The following MALT1 variants were observed in gnomAD, a reference collection of about 807,000 sequenced individuals.
The protein encoded by MALT1 is MALT1 paracaspase.
In MALT1, 36 loss-of-function variants were observed where a neutral mutation model predicts 85.5. The observed-to-expected ratio is 0.42, with a 90% CI of 0.32 to 0.56. MALT1 has a LOEUF of 0.56. Among genes scored for constraint, MALT1 ranks in the 20% least tolerant of loss-of-function variants. MALT1 has a pLI of 0.10. For synonymous variants in MALT1, 359 were observed against 361.3 expected (o/e 0.99, Z 0.07); for missense variants, 716 against 981.6 (o/e 0.73, Z 3.62).
intron 8 of MALT1, among the ~76,000 whole-genome samples, chr18:58,715,548 T>C (rs2054887484): frequency 6.6e-6 from 1 of 152,212 alleles, no homozygotes. Flanking sequence ...GGAGACTCCC[T>C]AAGTTAGTAT....
At chr18:58,704,655 A>G (rs2054720023) in intron 4 of MALT1, among the ~76,000 whole-genome samples, 1 of 152,166 alleles carries the variant, frequency 6.6e-6, no homozygotes, top group Non-Finnish European at 1.5e-5. Context: ...ATGGGATTTC[A>G]TCATGTTGCC....
chr18:58,715,274 T>A (rs1339514890), intron 8 of MALT1, among the ~76,000 whole-genome samples: 1 of 152,240 alleles, frequency 6.6e-6, no homozygotes, highest in Non-Finnish European at 1.5e-5. Flanking sequence ...CCACTAAGAT[T>A]CTAAAATTTT....
chr18:58,740,537 A>G (rs1305507260), intron 13 of MALT1, among the ~76,000 whole-genome samples: 2 of 151,344 alleles, frequency 1.3e-5, no homozygotes, highest in Admixed American at 1.3e-4. Flanking sequence ...AAGTTATATA[A>G]TATTATCTTT....
chr18:58,725,345 A>G (rs537082252), intron 10 of MALT1, among the ~76,000 whole-genome samples: 14 of 152,138 alleles, frequency 9.2e-5, no homozygotes, highest in African/African-American at 3.1e-4. Context: ...AGAAAAGAAA[A>G]ACATAAATGA....
intron 3 of MALT1, among the ~76,000 whole-genome samples, chr18:58,698,067 GTTT>G (rs796905674): frequency 1.2e-3 from 91 of 74,978 alleles, no homozygotes; most frequent in African/African-American, 3.5e-3. Flanking sequence ...GTTTTGTTTT[GTTT>G]TTTTGTTTTT....
At chr18:58,715,591 G>T (rs2054888006) in intron 8 of MALT1, among the ~76,000 whole-genome samples, 1 of 152,106 alleles carries the variant, frequency 6.6e-6, no homozygotes, top group South Asian at 2.1e-4. Flanking sequence ...TCATAACTTT[G>T]GGCAAGTGAC....
chr18:58,726,724 G>C (rs1391640058), intron 10 of MALT1, among the ~76,000 whole-genome samples: 2 of 152,202 alleles, frequency 1.3e-5, no homozygotes, highest in African/African-American at 4.8e-5. Context: ...ATGTTGTATA[G>C]ATGGCCAGGA....
At chr18:58,710,126 A>C (rs1209574794) in intron 6 of MALT1, 54 bp downstream of exon 6, 2 of 1,063,236 alleles carry the variant, frequency 1.9e-6, no homozygotes, top group Admixed American at 4.0e-5. Context: ...TAAGCTATAT[A>C]AACTGCAACG....
chr18:58,673,428 A>T (rs2054195926), intron 1 of MALT1, among the ~76,000 whole-genome samples: 2 of 151,858 alleles, frequency 1.3e-5, no homozygotes, highest in Non-Finnish European at 2.9e-5. Context: ...CTGCTGCTTC[A>T]TTCTTCTTTA....
Position 58,710,047 on chromosome 18 carries a change from T to C in MALT1, c.900T>C (p.Asp300=). ...CHVYNDRDSQ[D]SKKVEIIIGR... ...TATATAATGATCGAGACAGTCAAGA[T>C]AGCAAGAAGGTAGAAATCATCATAG... Residue 300 remains aspartate, a synonymous_variant, in exon 6 of 17, where the codon GAT becomes GAC. Coordinates refer to ENST00000649217, the MANE Select transcript of MALT1 (RefSeq NM_006785.4). 6.2e-7 allele frequency: 1 copy of C among 1,611,786 alleles called. No individual in the cohort carries two copies. Among genetic ancestry groups the C allele is most frequent in the Non-Finnish European group, 8.5e-7 (1 of 1,178,396 alleles).
chr18:58,747,956 A>T lies in MALT1; in HGVS notation c.*114A>T. ...TTTGTATATGTAGAGAAAGAATAGT[A>T]GTAACTGTTTCATAGCAAACTTCAG... On this transcript the variant is annotated 3_prime_UTR_variant, in exon 17 of 17. Transcript: ENST00000649217. The T allele has an allele frequency of 1.3e-6, 1 of 745,674 alleles. No homozygotes were observed. Among genetic ancestry groups the T allele is most frequent in the Middle Eastern group, 3.0e-4 (1 of 3,314 alleles). 46.2% of individuals were successfully genotyped at this position (745,674 alleles called of 1,614,324 possible). A position where few individuals can be genotyped will look rare whatever the true frequency, so the allele number is the denominator to read the frequency against.
intron 13 of MALT1, among the ~76,000 whole-genome samples, chr18:58,738,669 CT>C (rs372637715): frequency 6.6e-6 from 1 of 152,140 alleles, no homozygotes; most frequent in African/African-American, 2.4e-5. Flanking sequence ...GATAGTCAGA[CT>C]TTTTTATTTT....
intron 13 of MALT1, among the ~76,000 whole-genome samples, chr18:58,739,509 G>A (rs986431618): frequency 6.6e-6 from 1 of 152,154 alleles, no homozygotes; most frequent in African/African-American, 2.4e-5. Flanking sequence ...GTTTCTAGGT[G>A]ATGGATCCAA....
chr18:58,686,985 C>A (rs966885021), intron 2 of MALT1, among the ~76,000 whole-genome samples: 5 of 152,274 alleles, frequency 3.3e-5, no homozygotes, highest in African/African-American at 1.2e-4. Context: ...TGACCCTGAC[C>A]TGAACTCAAT....
chr18:58,699,317 A>G lies in MALT1; in HGVS notation c.499-1124A>G, dbSNP rs189026921. On this transcript the variant is annotated intron_variant, in intron 3 of 16. Coordinates refer to ENST00000649217, the MANE Select transcript of MALT1 (RefSeq NM_006785.4). ...AAGTTTGAGGAAAGAGTATACATCA[A>G]TAGTCTAGAAGGAAAACACACTTAG... Among the ~76,000 whole-genome samples, 11 of 152,352 alleles carry G rather than the reference A, an allele frequency of 7.2e-5. No individual in the cohort carries two copies. In the East Asian group the frequency reaches 1.9e-3, roughly 27 times the overall value.
At chr18:58,725,241 G>A (rs1284436073) in intron 10 of MALT1, among the ~76,000 whole-genome samples, 1 of 152,062 alleles carries the variant, frequency 6.6e-6, no homozygotes, top group Non-Finnish European at 1.5e-5. Context: ...AGAATCGCTT[G>A]AACCCAGGAG....
At chr18:58,729,177 A>T (rs2055108563) in intron 10 of MALT1, among the ~76,000 whole-genome samples, 1 of 152,146 alleles carries the variant, frequency 6.6e-6, no homozygotes, top group Admixed American at 6.5e-5. Flanking sequence ...AAAGATCATG[A>T]TCTGTCCTCC....
intron 1 of MALT1, among the ~76,000 whole-genome samples, chr18:58,677,282 T>TGG (rs149640534): frequency 3.9e-5 from 6 of 152,092 alleles, no homozygotes; most frequent in East Asian, 1.9e-4. Flanking sequence ...TTTGTTCTTT[T>TGG]GGGGGGGAAG....
chr18:58,711,857 T>A (rs1454557155), intron 7 of MALT1, among the ~76,000 whole-genome samples: 1 of 152,224 alleles, frequency 6.6e-6, no homozygotes, highest in South Asian at 2.1e-4. Context: ...ACAAGAATTC[T>A]CTCTTGTAAG....
Sources: gnomAD v4.1 joint callset for allele counts (sites outside exome capture counted in the v4.1 genomes callset) on GRCh38, gnomAD v4.1.1 for gene constraint, MANE v1.5 for transcripts, NCBI Gene and HGNC (gene_info 2026-07-23, HGNC 2026-07-21) for gene names.